FLACC1: variants seen among roughly 807,000 people sequenced by gnomAD.
FLACC1 encodes the protein flagellum associated containing coiled-coil domains 1, also known as flagellum-associated coiled-coil domain-containing protein 1.
In FLACC1, 66 loss-of-function variants were observed where a neutral mutation model predicts 62.8. That is an observed-to-expected ratio of 1.05 (90% CI 0.86 to 1.29). The LOEUF (loss-of-function observed/expected upper bound fraction) is 1.29, where lower values mean the gene tolerates loss of function less well. FLACC1 is among the 50% of genes most tolerant of loss of function. FLACC1 has a pLI of 0.00. For missense variants in FLACC1, 452 were observed against 489.1 expected, an observed-to-expected ratio of 0.92 and a Z score of 0.71; for synonymous variants, 156 against 161.0, an observed-to-expected ratio of 0.97 and a Z score of 0.24.
chr2:201,290,078 G>C (rs1181627070), intron 12 of FLACC1, among the ~76,000 whole-genome samples: 1 of 152,154 alleles, frequency 6.6e-6, no homozygotes, highest in Non-Finnish European at 1.5e-5. Flanking sequence ...CTCTGGAAAA[G>C]GCAAAACTAT....
intron 3 of FLACC1, among the ~76,000 whole-genome samples, chr2:201,349,968 C>T (rs1950992868): frequency 6.6e-6 from 1 of 152,202 alleles, no homozygotes; most frequent in Admixed American, 6.5e-5. Flanking sequence ...CTGAGGTTTG[C>T]AAGAAATCAA....
chr2:201,295,945 A>G lies in FLACC1; in HGVS notation c.942+3293T>C, dbSNP rs541817775. On this transcript the variant is annotated intron_variant, in intron 12 of 14. Coordinates refer to ENST00000392257, the MANE Select transcript of FLACC1 (RefSeq NM_001127391.3). ...CATCACTGGCCATCAGAGAAATGCA[A>G]ATCAAACCACAATGAGATACCATCT... is the stretch of plus-strand genomic sequence containing the variant. Among the ~76,000 whole-genome samples, 132 of 152,174 alleles carry G rather than the reference A, an allele frequency of 8.7e-4. 2 individuals are homozygous for G. Among genetic ancestry groups the G allele is most frequent in the South Asian group, 8.1e-3 (39 of 4,804 alleles).
At chr2:201,354,439 C>A (rs1246654179) in intron 1 of FLACC1, among the ~76,000 whole-genome samples, 1 of 152,082 alleles carries the variant, frequency 6.6e-6, no homozygotes, top group African/African-American at 2.4e-5. Context: ...GAGGTCAGGG[C>A]TAGAAAGGAG....
intron 12 of FLACC1, 155 bp from the exon 13 acceptor site, chr2:201,289,940 T>C: frequency 7.5e-7 from 1 of 1,329,416 alleles, no homozygotes; most frequent in African/African-American, 1.5e-5. Context: ...CTCCTCTCTG[T>C]CTCACCCATC....
At chr2:201,341,972 G>A (rs566424566) in intron 7 of FLACC1, among the ~76,000 whole-genome samples, 18 of 152,236 alleles carry the variant, frequency 1.2e-4, no homozygotes, top group African/African-American at 4.1e-4. Flanking sequence ...GCCAGGGAGA[G>A]TAGAGGTGAG....
rs551881634 is a variant in FLACC1, at chr2:201,304,991, C to G, written c.879+2528G>C. ...AAACCATAAAAACCCTAGAGGGAAACCTAGGCAATACCATTCAGGACATAG... is the reference window on the plus strand; with the variant it reads ...AAACCATAAAAACCCTAGAGGGAAAGCTAGGCAATACCATTCAGGACATAG... On this transcript the variant is annotated intron_variant, in intron 11 of 14. Transcript: ENST00000392257. 3.3e-5 allele frequency among the ~76,000 whole-genome samples: 5 copies of G among 152,314 alleles called. No individual in the cohort carries two copies. In the East Asian group the frequency reaches 9.6e-4, roughly 29 times the overall value.
At chr2:201,316,419 A>G (rs1389016089) in intron 9 of FLACC1, among the ~76,000 whole-genome samples, 3 of 152,188 alleles carry the variant, frequency 2.0e-5, no homozygotes, top group Non-Finnish European at 2.9e-5. Context: ...ATTCAAGGCT[A>G]CTGTGAACAC....
At chr2:201,348,186 G>T in intron 4 of FLACC1, 68 bp downstream of exon 4, 3 of 1,460,104 alleles carry the variant, frequency 2.1e-6, no homozygotes, top group Non-Finnish European at 1.9e-6. Context: ...AATGTAAAGG[G>T]CCCATGCTTG....
intron 9 of FLACC1, among the ~76,000 whole-genome samples, chr2:201,321,147 G>A (rs892318255): frequency 1.3e-5 from 2 of 152,144 alleles, no homozygotes; most frequent in Admixed American, 6.5e-5. Context: ...ACCCTGCCAC[G>A]CCCATTAGAA....
At chr2:201,350,681 A>AAAAC (rs1553617227) in intron 3 of FLACC1, 30 bp downstream of exon 3, 1 of 1,600,240 alleles carries the variant, frequency 6.2e-7, no homozygotes, top group Non-Finnish European at 8.5e-7. Flanking sequence ...ACTCCATCTC[A>AAAAC]AAAACAAAAC....
At chr2:201,299,092 A>G (rs541347024) in intron 12 of FLACC1, 146 bp downstream of exon 12, 18 of 739,368 alleles carry the variant, frequency 2.4e-5, no homozygotes, top group South Asian at 6.2e-5. Flanking sequence ...TTTTTAACTT[A>G]TTGAATCCAG....
At chr2:201,299,876 A>G (rs1949940890) in intron 11 of FLACC1, among the ~76,000 whole-genome samples, 1 of 152,220 alleles carries the variant, frequency 6.6e-6, no homozygotes, top group Non-Finnish European at 1.5e-5. Context: ...TATTAGTCTG[A>G]TCTCACATTT....
rs373034269 is a variant in FLACC1, at chr2:201,334,354, G to A, written c.525-3521C>T. On this transcript the variant is annotated intron_variant, in intron 7 of 14. Coordinates refer to ENST00000392257, the MANE Select transcript of FLACC1 (RefSeq NM_001127391.3). ...TCATGGTGGATGATCCTTTCAATAT[G>A]TTGCTGAATTCTGTTTGCTAATATT... Among the ~76,000 whole-genome samples, 3 of 152,302 alleles carry A rather than the reference G, an allele frequency of 2.0e-5. No individual in the cohort carries two copies. The South Asian group carries it at 6.2e-4, about 32-fold the overall frequency.
intron 12 of FLACC1, among the ~76,000 whole-genome samples, chr2:201,292,848 C>T (rs1041264612): frequency 4.6e-5 from 7 of 151,470 alleles, no homozygotes; most frequent in Non-Finnish European, 8.8e-5. Flanking sequence ...AAATGGAAAA[C>T]AAAAAAAGGC....
Position 201,289,468 on chromosome 2 carries a change from G to C in FLACC1, c.1131C>G (p.Asn377Lys). 6.2e-7 allele frequency: 1 copy of C among 1,614,086 alleles called. No homozygotes were observed. The highest frequency in any genetic ancestry group is 8.5e-7 in the Non-Finnish European group (1 of 1,179,920). ...KHTIQILTEE[N>K]IHLKQKIISK... is the part of the protein sequence containing the mutation. ...AGCAGCAGCCGCACTTCAGATGAAT[G>C]TTCTCTTCCGTCAGGATCTGTATGG... The change falls in exon 14 of 15, where the codon AAC (asparagine) becomes AAG (lysine). Residue 377 changes from asparagine (N) to lysine (K), a missense_variant. Physicochemically the swap from Asn to Lys is moderately conservative, Grantham distance 94 (BLOSUM62 0). Transcript: ENST00000392257.
chr2:201,362,917 G>T, the FLACC1 span, among the ~76,000 whole-genome samples: 2 of 151,912 alleles, frequency 1.3e-5, no homozygotes, highest in African/African-American at 4.8e-5. Context: ...GTGCTCTCCC[G>T]CTTTGCAGGC....
intron 7 of FLACC1, among the ~76,000 whole-genome samples, chr2:201,339,066 C>CTTTTTTTTTTTTT (rs1559414089): frequency 1.3e-5 from 2 of 151,986 alleles, no homozygotes; most frequent in African/African-American, 4.8e-5. Flanking sequence ...TGTTGGGAGA[C>CTTTTTTTTTTTTT]TTTTTATTAC....
At chr2:201,319,670 AAAC>A (rs1363852324) in intron 9 of FLACC1, among the ~76,000 whole-genome samples, 1 of 152,238 alleles carries the variant, frequency 6.6e-6, no homozygotes, top group Non-Finnish European at 1.5e-5. Context: ...AACAAGCAAA[AAAC>A]AACCCCATTA....
In FLACC1 at chr2:201,330,844, C is replaced by G. The variant is rs1317160763; in HGVS notation, c.525-11G>C. 1 of 1,609,822 alleles carries G rather than the reference C, an allele frequency of 6.2e-7. No individual in the cohort carries two copies. Among genetic ancestry groups the G allele is most frequent in the Non-Finnish European group, 8.5e-7 (1 of 1,178,800 alleles). On this transcript the variant is annotated splice_polypyrimidine_tract_variant and intron_variant, in intron 7 of 14. Transcript: ENST00000392257. ...GCCTCTTTGAGCTCCCTGTGGGACC[C>G]CAGGAGAAGGCCACAATCATTAGTA...
Sources: gnomAD v4.1 joint callset for allele counts (sites outside exome capture counted in the v4.1 genomes callset) on GRCh38, gnomAD v4.1.1 for gene constraint, MANE v1.5 for transcripts, NCBI Gene and HGNC (gene_info 2026-07-23, HGNC 2026-07-21) for gene names.